Variants in NRCAM observed in about 807,000 individuals in gnomAD.
NRCAM encodes neuronal cell adhesion molecule, also known as NgCAM-related cell adhesion molecule.
In NRCAM, 83 loss-of-function variants were observed where a neutral mutation model predicts 156.5. The observed-to-expected ratio is 0.53, with a 90% CI of 0.44 to 0.64. The LOEUF (loss-of-function observed/expected upper bound fraction) is 0.64. Ranked by LOEUF, NRCAM falls within the 30% of genes least tolerant of loss-of-function variation. The pLI, the probability that NRCAM is intolerant of heterozygous loss-of-function variation, is 0.00. For synonymous variants in NRCAM, 538 were observed against 563.9 expected, an observed-to-expected ratio of 0.95 and a Z score of 0.65; for missense variants, 1,417 against 1,597.3, an observed-to-expected ratio of 0.89 and a Z score of 1.92.
rs2039530159 is a variant in NRCAM at position 108,147,655 on chromosome 7, T to A, written c.*2255A>T. 6.6e-6 allele frequency: 1 copy of A among 152,264 alleles called. No homozygotes were observed. Among genetic ancestry groups the A allele is most frequent in the Non-Finnish European group, 1.5e-5 (1 of 68,034 alleles). The allele number at this position is 152,264 out of a possible 1,614,324, so 9.4% of individuals were successfully genotyped here. A position where few individuals can be genotyped will look rare whatever the true frequency, so the allele number is the denominator to read the frequency against. On this transcript the variant is annotated 3_prime_UTR_variant, in exon 33 of 33. Coordinates refer to ENST00000379028, the MANE Select transcript of NRCAM (RefSeq NM_001037132.4). The stretch of plus-strand genomic sequence containing the variant: ...GAAAAAGTTAAAAGTCACAAAGAGA[T>A]CAAGACTGTTTAATAGTTACTTTTT...
At chr7:108,248,299 T>A (rs1395285830) in intron 3 of NRCAM, among the ~76,000 whole-genome samples, 3 of 152,156 alleles carry the variant, frequency 2.0e-5, no homozygotes, top group Non-Finnish European at 2.9e-5. Context: ...CCAGGCAGGC[T>A]AGTCACTTTG....
rs200175819 is a variant in NRCAM at position 108,176,547 on chromosome 7, G to A, written c.3034C>T (p.Arg1012Trp). ...AAATTTAAATTTTTTAAAGTCCACCGTGTCTTGTTGGCAGGAATTTTCAAA... is the reference window on the plus strand; with the variant it reads ...AAATTTAAATTTTTTAAAGTCCACCATGTCTTGTTGGCAGGAATTTTCAAA... ...VDLKIPANKT[R>W]WTLKNLNFST... The change falls in exon 27 of 33, where the codon CGG becomes TGG. Residue 1012 changes from arginine to tryptophan, a missense_variant. Coordinates refer to ENST00000379028, the MANE Select transcript of NRCAM (RefSeq NM_001037132.4). The A allele has an allele frequency of 5.0e-6, 8 of 1,613,516 alleles. No individual in the cohort carries two copies. Among genetic ancestry groups the A allele is most frequent in the South Asian group, 4.4e-5 (4 of 91,054 alleles).
chr7:108,226,880 C>T (rs752136197), intron 8 of NRCAM, among the ~76,000 whole-genome samples: 7 of 152,092 alleles, frequency 4.6e-5, no homozygotes, highest in Non-Finnish European at 1.0e-4. Context: ...GAGTCCCAGC[C>T]CTGTCTGAGC....
At chr7:108,248,506 C>A (rs2096115490) in intron 3 of NRCAM, among the ~76,000 whole-genome samples, 1 of 152,024 alleles carries the variant, frequency 6.6e-6, no homozygotes, top group African/African-American at 2.4e-5. Flanking sequence ...CATGGGGTAC[C>A]ATTCACATTC....
At chr7:108,297,016 T>C (rs2098465840) in intron 3 of NRCAM, among the ~76,000 whole-genome samples, 1 of 152,196 alleles carries the variant, frequency 6.6e-6, no homozygotes, top group South Asian at 2.1e-4. Flanking sequence ...TTAAAATATA[T>C]GTGGCTGTGT....
intron 30 of NRCAM, among the ~76,000 whole-genome samples, chr7:108,164,263 C>T (rs937291104): frequency 1.3e-5 from 2 of 150,928 alleles, no homozygotes; most frequent in South Asian, 2.1e-4. Context: ...ACCAGTAGTA[C>T]GGGGAAGAAG....
At chr7:108,191,905 T>G (rs2071912150) in intron 17 of NRCAM, 52 bp from the exon 18 acceptor site, 1 of 1,547,232 alleles carries the variant, frequency 6.5e-7, no homozygotes, top group South Asian at 1.2e-5. Context: ...AGCCGTACCC[T>G]ATAATTGCTT....
At chr7:108,264,867 T>C (rs2097030702) in intron 3 of NRCAM, among the ~76,000 whole-genome samples, 1 of 152,162 alleles carries the variant, frequency 6.6e-6, no homozygotes, top group African/African-American at 2.4e-5. Flanking sequence ...CTTTTTAAGG[T>C]ATAAGGAAAA....
chr7:108,250,138 G>A (rs2096243756), intron 3 of NRCAM, among the ~76,000 whole-genome samples: 1 of 152,162 alleles, frequency 6.6e-6, no homozygotes, highest in South Asian at 2.1e-4. Flanking sequence ...AAGTGAATGA[G>A]GACAGGTCAA....
At chr7:108,261,690 ACC>A in intron 3 of NRCAM, among the ~76,000 whole-genome samples, 1 of 152,292 alleles carries the variant, frequency 6.6e-6, no homozygotes, top group Middle Eastern at 3.4e-3. Flanking sequence ...AGCTGTAGAC[ACC>A]TGTTTTCCTG....
At chr7:108,156,578 A>G (rs2045623500) in intron 32 of NRCAM, 1 of 176,386 alleles carries the variant, frequency 5.7e-6, no homozygotes, top group African/African-American at 2.4e-5. Flanking sequence ...GTGAGGTTCT[A>G]TCCCTCTTTG....
At chr7:108,435,701 G>GACTTC (rs1339040738) in intron 1 of NRCAM, among the ~76,000 whole-genome samples, 2 of 152,082 alleles carry the variant, frequency 1.3e-5, no homozygotes, top group Non-Finnish European at 2.9e-5. Flanking sequence ...CCTGTGACAC[G>GACTTC]ACTTCACCTA....
In NRCAM at chr7:108,160,347, T is replaced by C. The variant is rs1174642339; in HGVS notation, c.3598+14A>G. ...ATGTAGCATTATAAAGCAATTTTAATCTTTCTTTCTTACCTGGATATTTAC... is the reference window on the plus strand; with the variant it reads ...ATGTAGCATTATAAAGCAATTTTAACCTTTCTTTCTTACCTGGATATTTAC... On this transcript the variant is annotated intron_variant, in intron 31 of 32. Transcript: ENST00000379028. 6.2e-7 allele frequency: 1 copy of C among 1,610,178 alleles called. No homozygotes were observed. The highest frequency in any genetic ancestry group is 1.7e-5 in the Admixed American group (1 of 59,688).
intron 30 of NRCAM, among the ~76,000 whole-genome samples, chr7:108,166,071 TAAGTA>T (rs1259760481): frequency 2.8e-5 from 3 of 106,264 alleles, no homozygotes; most frequent in African/African-American, 7.3e-5. Flanking sequence ...AATATTCACA[TAAGTA>T]AATATATACA....
At chr7:108,354,439 A>C (rs558897612) in intron 2 of NRCAM, among the ~76,000 whole-genome samples, 19 of 152,360 alleles carry the variant, frequency 1.2e-4, no homozygotes, top group Non-Finnish European at 2.8e-4. Flanking sequence ...GGCAGGTAAG[A>C]TAAAAGGAAT....
At chr7:108,374,472 T>A (rs2099656579) in intron 2 of NRCAM, among the ~76,000 whole-genome samples, 1 of 152,158 alleles carries the variant, frequency 6.6e-6, no homozygotes, top group African/African-American at 2.4e-5. Flanking sequence ...CTGAATATTA[T>A]AATTAATGTT....
intron 14 of NRCAM, among the ~76,000 whole-genome samples, chr7:108,197,493 A>C (rs1278295398): frequency 6.6e-6 from 1 of 152,204 alleles, no homozygotes; most frequent in Non-Finnish European, 1.5e-5. Flanking sequence ...GTTTCAGTAT[A>C]TCACACTTTT....
intron 2 of NRCAM, among the ~76,000 whole-genome samples, chr7:108,340,195 C>T (rs919643550): frequency 3.9e-5 from 6 of 152,138 alleles, no homozygotes; most frequent in African/African-American, 1.4e-4. Context: ...CCCAAATGGT[C>T]CAAAAGGAGA....
intron 6 of NRCAM, 93 bp from the exon 7 acceptor site, chr7:108,232,615 T>C: frequency 1.2e-6 from 1 of 812,972 alleles, no homozygotes; most frequent in Non-Finnish European, 1.9e-6. Context: ...TTTCTAGAAA[T>C]AATTACCAGA....
Sources: allele counts gnomAD v4.1 joint callset (sites outside exome capture counted in the v4.1 genomes callset), GRCh38; gene constraint gnomAD v4.1.1; transcripts MANE v1.5; gene names NCBI Gene and HGNC (gene_info 2026-07-23, HGNC 2026-07-21).